Variants in SLC4A4 observed in about 807,000 individuals in gnomAD.
SLC4A4 encodes the protein electrogenic sodium bicarbonate cotransporter 1.
SLC4A4 carries 27 observed loss-of-function variants against 111.5 expected under a neutral mutation model. The observed-to-expected ratio is 0.24, with a 90% CI of 0.18 to 0.33. SLC4A4 has a LOEUF of 0.33. SLC4A4 is among the 10% of genes least tolerant of loss of function. The pLI is 1.00. For missense variants in SLC4A4, 909 were observed against 1,315.5 expected (o/e 0.69, Z 4.78); for synonymous variants, 443 against 463.4 (o/e 0.96, Z 0.57).
At chr4:71,277,828 A>G (rs916202965) in intron 3 of SLC4A4, among the ~76,000 whole-genome samples, 5 of 152,194 alleles carry the variant, frequency 3.3e-5, no homozygotes, top group African/African-American at 1.2e-4. Flanking sequence ...GTTAACAAAT[A>G]AAACTATATA....
At chr4:71,455,882 G>C (rs545723966) in intron 12 of SLC4A4, among the ~76,000 whole-genome samples, 2 of 152,208 alleles carry the variant, frequency 1.3e-5, no homozygotes, top group South Asian at 4.1e-4. Flanking sequence ...TTATGAGTAG[G>C]TTTTGGGAAA....
chr4:71,466,726 C>A, intron 13 of SLC4A4, 149 bp downstream of exon 13: 1 of 782,572 alleles, frequency 1.3e-6, no homozygotes, highest in Non-Finnish European at 2.1e-6. Flanking sequence ...AGGGCCTTAG[C>A]AATTAGGTAG....
chr4:71,384,669 C>A (rs1042000694), intron 6 of SLC4A4, among the ~76,000 whole-genome samples: 50 of 151,080 alleles, frequency 3.3e-4, no homozygotes, highest in African/African-American at 1.2e-3. Context: ...AAAATTACCT[C>A]ATTTGTACAC....
At chr4:71,192,589 T>C (rs1745779329) in intron 1 of SLC4A4, among the ~76,000 whole-genome samples, 1 of 152,200 alleles carries the variant, frequency 6.6e-6, no homozygotes, top group Admixed American at 6.5e-5. Flanking sequence ...GGTTGAGGAC[T>C]ATTTAGATTT....
rs138886822 is a variant in SLC4A4 at position 71,140,472 on chromosome 4, C to T, written c.-2+47680C>T. 7.8e-3 allele frequency among the ~76,000 whole-genome samples: 1,181 copies of T among 152,240 alleles called. 7 individuals carry two copies. The highest frequency in any genetic ancestry group is 0.013 in the Non-Finnish European group (880 of 68,004). On this transcript the variant is annotated intron_variant, in intron 2 of 26. Coordinates refer to the SLC4A4 transcript ENST00000649996. ...CTGCTAATGACTTCCAAATGTATAT[C>T]TTCAACGGTGACTCTTTTTAATCTC...
intron 7 of SLC4A4, among the ~76,000 whole-genome samples, chr4:71,423,368 G>C (rs533718897): frequency 6.6e-6 from 1 of 152,264 alleles, no homozygotes; most frequent in South Asian, 2.1e-4. Flanking sequence ...AACATTCCAT[G>C]CTCATGGGTA....
intron 15 of SLC4A4, among the ~76,000 whole-genome samples, chr4:71,490,234 C>G (rs1188429211): frequency 6.6e-6 from 1 of 151,816 alleles, no homozygotes; most frequent in African/African-American, 2.4e-5. Flanking sequence ...GTTTCCAGCT[C>G]TCAGAGTGTG....
At chr4:71,074,959 T>G (rs1741767892) in intron 1 of SLC4A4, among the ~76,000 whole-genome samples, 1 of 152,198 alleles carries the variant, frequency 6.6e-6, no homozygotes. Flanking sequence ...TCCTTAAACT[T>G]TGTTCATTAG....
chr4:71,111,199 A>G (rs1231069406), intron 2 of SLC4A4, among the ~76,000 whole-genome samples: 1 of 152,190 alleles, frequency 6.6e-6, no homozygotes, highest in Non-Finnish European at 1.5e-5. Context: ...TGCTGAAAAT[A>G]TCCTGTGTCC....
At chr4:71,311,473 A>G (rs1726157196) in intron 3 of SLC4A4, among the ~76,000 whole-genome samples, 1 of 152,224 alleles carries the variant, frequency 6.6e-6, no homozygotes, top group Non-Finnish European at 1.5e-5. Context: ...ATGCAAAAGA[A>G]TGGAAATCAT....
Position 71,178,809 on chromosome 4 carries a change from A to T in SLC4A4, c.-1-57767A>T, listed in dbSNP as rs1240329014. On this transcript the variant is annotated intron_variant, in intron 2 of 26. Transcript: ENST00000649996. ...AGCTGGTACCATTCCTTCTGAAACT[A>T]TTCCAATCAGTAGAAAAAGAGGGAA... 2.0e-5 allele frequency among the ~76,000 whole-genome samples: 3 copies of T among 152,354 alleles called. No homozygotes were observed. The East Asian group carries it at 5.8e-4, about 29-fold the overall frequency.
intron 2 of SLC4A4, among the ~76,000 whole-genome samples, chr4:71,114,132 A>G (rs1253122861): frequency 1.3e-5 from 2 of 152,168 alleles, no homozygotes; most frequent in Non-Finnish European, 2.9e-5. Context: ...CTGTAGTCCC[A>G]GCTACTCAGG....
chr4:71,315,917 A>G (rs1008652428), intron 3 of SLC4A4, among the ~76,000 whole-genome samples: 1 of 152,140 alleles, frequency 6.6e-6, no homozygotes, highest in Admixed American at 6.6e-5. Flanking sequence ...CTTCCTGGGT[A>G]GTGACAGTGG....
chr4:71,463,502 G>A (rs1372210051), intron 12 of SLC4A4, among the ~76,000 whole-genome samples: 1 of 152,182 alleles, frequency 6.6e-6, no homozygotes, highest in African/African-American at 2.4e-5. Flanking sequence ...CAAGTTTCCA[G>A]TGCAGTGTGT....
At chr4:71,423,563 A>C (rs529201569) in intron 7 of SLC4A4, among the ~76,000 whole-genome samples, 1 of 152,300 alleles carries the variant, frequency 6.6e-6, no homozygotes, top group African/African-American at 2.4e-5. Context: ...ACAAAGCTGG[A>C]GGCATCACAC....
chr4:71,415,762 A>G (rs1033326556), intron 7 of SLC4A4, among the ~76,000 whole-genome samples: 1 of 152,170 alleles, frequency 6.6e-6, no homozygotes, highest in Non-Finnish European at 1.5e-5. Context: ...TGAGTCTTAT[A>G]CATTCTGCCT....
chr4:71,287,712 A>G (rs1724029565), intron 3 of SLC4A4, among the ~76,000 whole-genome samples: 1 of 152,230 alleles, frequency 6.6e-6, no homozygotes, highest in African/African-American at 2.4e-5. Flanking sequence ...TGCAATTTCA[A>G]AATGAAAAAT....
intron 3 of SLC4A4, among the ~76,000 whole-genome samples, chr4:71,313,373 G>A (rs1458170859): frequency 6.6e-6 from 1 of 152,094 alleles, no homozygotes; most frequent in African/African-American, 2.4e-5. Context: ...TATAGATTCA[G>A]TGCTATCCAC....
intron 18 of SLC4A4, among the ~76,000 whole-genome samples, chr4:71,535,724 T>C (rs780062893): frequency 6.6e-6 from 1 of 152,068 alleles, no homozygotes; most frequent in Non-Finnish European, 1.5e-5. Flanking sequence ...AGTATATAAC[T>C]GTCCTGGAGG....
Sources: gnomAD v4.1 joint callset for allele counts (sites outside exome capture counted in the v4.1 genomes callset) on GRCh38, gnomAD v4.1.1 for gene constraint, MANE v1.5 for transcripts, NCBI Gene and HGNC (gene_info 2026-07-23, HGNC 2026-07-21) for gene names.